The following TMEM255A variants were observed in gnomAD, a reference collection of about 807,000 sequenced individuals.
The protein encoded by TMEM255A is transmembrane protein 255A, also known as family with sequence similarity 70, member A.
Under a neutral mutation model 23.5 loss-of-function variants are expected in TMEM255A, and 14 were observed. The observed-to-expected ratio is 0.60, with a 90% confidence interval of 0.39 to 0.93. TMEM255A has a LOEUF of 0.93. Ranked by LOEUF, TMEM255A falls within the 40% of genes least tolerant of loss-of-function variation. The pLI is 0.00. For missense variants in TMEM255A, 233 were observed against 261.7 expected (o/e 0.89, Z 0.76); for synonymous variants, 104 against 100.3 (o/e 1.04, Z -0.22).
At position 120,284,802 on chromosome X, in the gene TMEM255A, G is replaced by A. The variant is rs528317844; in HGVS notation, c.512+325C>T. Among the ~76,000 whole-genome samples the A allele has an allele frequency of 1.9e-4, 21 of 111,125 alleles. No homozygotes were observed. In the South Asian group the frequency reaches 8.2e-3, roughly 43 times the overall value. ...TAAACTTGGATATAGACAGAGCTGA[G>A]TTTGAATCCTATACATATTATTTTC... On this transcript the variant is annotated intron_variant, in intron 6 of 8. Transcript: ENST00000371369.
intron 7 of TMEM255A, among the ~76,000 whole-genome samples, chrX:120,276,574 G>A (rs2057799980): frequency 9.0e-6 from 1 of 111,571 alleles, no homozygotes; most frequent in Admixed American, 9.5e-5. Flanking sequence ...TGTGGGGTGG[G>A]GCTATAAAAG....
At chrX:120,263,656 C>T (rs1603399738) in intron 8 of TMEM255A, among the ~76,000 whole-genome samples, 1 of 110,282 alleles carries the variant, frequency 9.1e-6, no homozygotes, top group African/African-American at 3.3e-5. Flanking sequence ...CAGCATCTGT[C>T]GGTATTGTGC....
intron 1 of TMEM255A, among the ~76,000 whole-genome samples, chrX:120,310,725 A>AC (rs1423195921): frequency 1.8e-4 from 2 of 11,029 alleles, no homozygotes; most frequent in African/African-American, 5.2e-4. Context: ...GAGTTGCGCA[A>AC]CCCGCCCCCC....
chrX:120,308,734 T>C (rs1234566823), intron 1 of TMEM255A, among the ~76,000 whole-genome samples: 1 of 111,181 alleles, frequency 9.0e-6, no homozygotes, highest in Non-Finnish European at 1.9e-5. Context: ...CCTTTGCGCC[T>C]GGGGGCGGTG....
intron 1 of TMEM255A, among the ~76,000 whole-genome samples, chrX:120,309,684 C>T (rs1157568998): frequency 8.9e-6 from 1 of 112,079 alleles, no homozygotes; most frequent in African/African-American, 3.2e-5. Flanking sequence ...CTGTCTCTCT[C>T]TCTCTCGCTC....
At chrX:120,275,679 C>T (rs1420857178) in intron 7 of TMEM255A, among the ~76,000 whole-genome samples, 5 of 73,896 alleles carry the variant, frequency 6.8e-5, no homozygotes, top group African/African-American at 2.9e-4. Flanking sequence ...TCAGAATTAC[C>T]TGGGAGCTTA....
chrX:120,307,956 G>C (rs1333356353), intron 1 of TMEM255A, among the ~76,000 whole-genome samples: 1 of 111,391 alleles, frequency 9.0e-6, no homozygotes, highest in African/African-American at 3.3e-5. Flanking sequence ...CCAATTATTT[G>C]CTATCTCCAC....
intron 6 of TMEM255A, among the ~76,000 whole-genome samples, chrX:120,281,444 C>G (rs1271858540): frequency 8.9e-6 from 1 of 112,117 alleles, no homozygotes; most frequent in African/African-American, 3.2e-5. Flanking sequence ...TCCATAAGGG[C>G]CTGGAGCACT....
chrX:120,311,211 C>A, intron 1 of TMEM255A, 41 bp downstream of exon 1: 1 of 1,132,493 alleles, frequency 8.8e-7, no homozygotes, highest in Non-Finnish European at 1.2e-6. Flanking sequence ...GGGCACTCAA[C>A]CCCTGCTGCC....
intron 2 of TMEM255A, among the ~76,000 whole-genome samples, chrX:120,296,874 ATCATAT>A (rs2057978648): frequency 4.3e-4 from 4 of 9,238 alleles, no homozygotes; most frequent in Non-Finnish European, 5.3e-4. Flanking sequence ...TATATTATAT[ATCATAT>A]ATATTATATA....
At chrX:120,305,693 G>A (rs1238581154) in intron 1 of TMEM255A, among the ~76,000 whole-genome samples, 1 of 109,998 alleles carries the variant, frequency 9.1e-6, no homozygotes, top group East Asian at 2.9e-4. Flanking sequence ...ATAGAGGGAG[G>A]GGAGAGGGGA....
chrX:120,268,096 C>A, intron 8 of TMEM255A, 148 bp downstream of exon 8: 1 of 655,361 alleles, frequency 1.5e-6, no homozygotes. Context: ...AGCTGGCAAC[C>A]ACAGGCTGCT....
chrX:120,307,114 G>A lies in TMEM255A; in HGVS notation c.59-2623C>T, dbSNP rs1556027269. On this transcript the variant is annotated intron_variant, in intron 1 of 8. Coordinates refer to ENST00000371369, the MANE Select transcript of TMEM255A (RefSeq NM_001104544.3). ...TGAAATTATTTCTAGTTGCACTTGGGGAATTGACTGTTTTAAGAAAACCCC... is the reference window on the plus strand; with the variant it reads ...TGAAATTATTTCTAGTTGCACTTGGAGAATTGACTGTTTTAAGAAAACCCC... Among the ~76,000 whole-genome samples, 3 of 111,989 alleles carry A rather than the reference G, an allele frequency of 2.7e-5. No individual in the cohort carries two copies. In the South Asian group the frequency reaches 1.1e-3, roughly 41 times the overall value.
intron 1 of TMEM255A, 127 bp from the exon 2 acceptor site, chrX:120,304,618 A>C: frequency 2.9e-6 from 2 of 692,447 alleles, no homozygotes; most frequent in Non-Finnish European, 4.3e-6. Flanking sequence ...TTTGGTGGTG[A>C]CGGGTGGGGG....
At chrX:120,303,568 T>G in intron 2 of TMEM255A, among the ~76,000 whole-genome samples, 1 of 110,418 alleles carries the variant, frequency 9.1e-6, no homozygotes, top group Middle Eastern at 4.2e-3. Context: ...CCAGGGTAGA[T>G]TTTTGGCAGC....
chrX:120,293,874 G>T, intron 3 of TMEM255A, 115 bp downstream of exon 3: 1 of 510,058 alleles, frequency 2.0e-6, no homozygotes. Context: ...AAACGGCAAA[G>T]TAGCAGTTCC....
At chrX:120,255,956 A>G (rs73607657), downstream of TMEM255A, 2,509 of 123,692 alleles carry the variant, frequency 0.02, 52 homozygotes, top group African/African-American at 0.076. Flanking sequence ...AGTCCAAGCG[A>G]ACAGCAACCT....
At chrX:120,279,254 T>C (rs1706009764) in intron 6 of TMEM255A, among the ~76,000 whole-genome samples, 1 of 112,063 alleles carries the variant, frequency 8.9e-6, no homozygotes, top group East Asian at 2.8e-4. Context: ...GGATTCCAGG[T>C]GTGAGCCACC....
At chrX:120,256,554 A>G (rs1556015497), downstream of TMEM255A, 2 of 122,875 alleles carry the variant, frequency 1.6e-5, 1 homozygote, top group South Asian at 7.5e-4. Context: ...AAATTGCTGC[A>G]ATATTATAGT....
Sources: gnomAD v4.1 joint callset for allele counts (sites outside exome capture counted in the v4.1 genomes callset) on GRCh38, gnomAD v4.1.1 for gene constraint, MANE v1.5 for transcripts, NCBI Gene and HGNC (gene_info 2026-07-23, HGNC 2026-07-21) for gene names.